ARHGAP17: variants seen among roughly 807,000 people sequenced by gnomAD.
The protein encoded by ARHGAP17 is rho GTPase-activating protein 17.
In ARHGAP17, 57 loss-of-function variants were observed where a neutral mutation model predicts 99.5. That is an observed-to-expected ratio of 0.57 (90% CI 0.46 to 0.71). ARHGAP17 has a LOEUF of 0.71. Among genes scored for constraint, ARHGAP17 ranks in the 30% least tolerant of loss-of-function variants. The pLI, the probability that ARHGAP17 is intolerant of heterozygous loss-of-function variation, is 0.00. For synonymous variants in ARHGAP17, 417 were observed against 429.6 expected (o/e 0.97, Z 0.36); for missense variants, 1,000 against 1,122.4 (o/e 0.89, Z 1.56).
At position 24,952,320 on chromosome 16, in the gene ARHGAP17, TAA is replaced by T; in HGVS notation, c.1013_1014del (p.Phe338Ter). On this transcript the variant is annotated frameshift_variant, in exon 12 of 20. Transcript: ENST00000289968. LOFTEE classifies it high-confidence loss of function. ...ACTTGTGTCCATTCTTCATACAGAT[TAA>T]AAGTCATCAAAGGTTCAGGCAATTC... ...LRELPEPLMTFNLYEEWTQVA... is the reference protein window; with the variant it reads ...LRELPEPLMTXNLYEEWTQVA... The T allele has an allele frequency of 6.2e-7, 1 of 1,613,300 alleles. No individual in the cohort carries two copies. Among genetic ancestry groups the T allele is most frequent in the Non-Finnish European group, 8.5e-7 (1 of 1,179,674 alleles).
intron 3 of ARHGAP17, among the ~76,000 whole-genome samples, chr16:24,976,116 T>A (rs553004912): frequency 6.6e-6 from 1 of 152,104 alleles, no homozygotes; most frequent in Non-Finnish European, 1.5e-5. Context: ...CCATGGTAAC[T>A]AGGGTGGAAC....
intron 1 of ARHGAP17, among the ~76,000 whole-genome samples, chr16:25,007,417 G>A (rs116342464): frequency 6.6e-6 from 1 of 152,196 alleles, no homozygotes; most frequent in Non-Finnish European, 1.5e-5. Context: ...CCAGGCTGGA[G>A]CACGGTGGCA....
chr16:24,968,829 T>C, intron 4 of ARHGAP17, 57 bp from the exon 5 acceptor site: 1 of 1,538,584 alleles, frequency 6.5e-7, no homozygotes, highest in Non-Finnish European at 9.0e-7. Context: ...GGCACTGGAT[T>C]ATCGTGTGGA....
intron 1 of ARHGAP17, chr16:25,014,044 C>A (rs1049103230): frequency 1.3e-5 from 2 of 151,866 alleles, no homozygotes; most frequent in African/African-American, 2.4e-5. Context: ...CACAATAATA[C>A]GGTAGGGAAT....
At chr16:24,982,212 T>G (rs910914701) in intron 1 of ARHGAP17, among the ~76,000 whole-genome samples, 1 of 152,130 alleles carries the variant, frequency 6.6e-6, no homozygotes, top group African/African-American at 2.4e-5. Flanking sequence ...AAGACCAGCC[T>G]GGTCAACATG....
intron 13 of ARHGAP17, among the ~76,000 whole-genome samples, chr16:24,948,244 A>G (rs899783817): frequency 1.3e-5 from 2 of 152,238 alleles, no homozygotes; most frequent in African/African-American, 4.8e-5. Context: ...GACGTATACA[A>G]TATACACTAC....
chr16:24,985,872 GTAGA>G (rs1359681996), intron 1 of ARHGAP17, among the ~76,000 whole-genome samples: 14 of 152,102 alleles, frequency 9.2e-5, no homozygotes, highest in African/African-American at 1.7e-4. Context: ...ATGCACACAG[GTAGA>G]TAGAGACACG....
intron 18 of ARHGAP17, among the ~76,000 whole-genome samples, chr16:24,932,229 A>C (rs1475314436): frequency 6.6e-6 from 1 of 152,192 alleles, no homozygotes; most frequent in South Asian, 2.1e-4. Flanking sequence ...TAAGGGGCAT[A>C]TGGGAACTCT....
chr16:24,925,649 A>G (rs1400913652), intron 19 of ARHGAP17, among the ~76,000 whole-genome samples: 1 of 152,246 alleles, frequency 6.6e-6, no homozygotes, highest in African/African-American at 2.4e-5. Flanking sequence ...ACTAGGAGTA[A>G]TAATACATCT....
chr16:24,991,462 G>A (rs149232966), intron 1 of ARHGAP17, among the ~76,000 whole-genome samples: 2 of 151,932 alleles, frequency 1.3e-5, no homozygotes, highest in South Asian at 4.1e-4. Flanking sequence ...AGTCACAGTC[G>A]AGCCTGGACC....
At chr16:24,945,850 G>A (rs929222508) in intron 14 of ARHGAP17, among the ~76,000 whole-genome samples, 1 of 152,150 alleles carries the variant, frequency 6.6e-6, no homozygotes, top group Non-Finnish European at 1.5e-5. Context: ...AAGGACACAG[G>A]CTCTGTATCC....
chr16:24,987,960 A>G (rs945504079), intron 1 of ARHGAP17, among the ~76,000 whole-genome samples: 2 of 152,188 alleles, frequency 1.3e-5, no homozygotes, highest in African/African-American at 4.8e-5. Flanking sequence ...ATGCAACATG[A>G]TTTGTATTCA....
In ARHGAP17 at chr16:24,939,541, C is replaced by G; in HGVS notation, c.1547G>C (p.Arg516Thr). 6.2e-7 allele frequency: 1 copy of G among 1,608,166 alleles called. No individual in the cohort carries two copies. Among genetic ancestry groups the G allele is most frequent in the Non-Finnish European group, 8.5e-7 (1 of 1,178,090 alleles). The change falls in exon 17 of 20, where the codon AGA becomes ACA. Residue 516 changes from arginine to threonine, a missense_variant. Transcript: ENST00000289968. ...QAHRRGGTLN[R>T]KHISPAFQPP... Reference sequence around the variant, plus strand: ...CTGGAAAGCGGGGGATATGTGCTTTCTATTTAGAGTGCCACCCCGCCGGTG... The same window carrying G: ...CTGGAAAGCGGGGGATATGTGCTTTGTATTTAGAGTGCCACCCCGCCGGTG...
At chr16:24,952,735 GA>G (rs1213855580) in intron 11 of ARHGAP17, among the ~76,000 whole-genome samples, 195 bp downstream of exon 11, 1 of 152,096 alleles carries the variant, frequency 6.6e-6, no homozygotes, top group Admixed American at 6.5e-5. Flanking sequence ...CATCAAAATA[GA>G]AAAACAGAAA....
chr16:24,984,366 C>T (rs919831805), intron 1 of ARHGAP17, among the ~76,000 whole-genome samples: 1 of 152,126 alleles, frequency 6.6e-6, no homozygotes, highest in African/African-American at 2.4e-5. Context: ...CACCTTCCTG[C>T]CACTTAAATA....
intron 1 of ARHGAP17, among the ~76,000 whole-genome samples, chr16:24,996,659 G>A (rs183147977): frequency 6.6e-5 from 10 of 152,266 alleles, no homozygotes; most frequent in East Asian, 3.9e-4. Context: ...TCAAAGCCCC[G>A]TTCACCACCT....
chr16:24,965,485 AC>A (rs2052152455), intron 6 of ARHGAP17, among the ~76,000 whole-genome samples: 2 of 152,166 alleles, frequency 1.3e-5, no homozygotes, highest in South Asian at 4.2e-4. Flanking sequence ...AAACAAACAA[AC>A]AAAAAAACCC....
At chr16:24,953,808 G>C (rs974937055) in intron 10 of ARHGAP17, among the ~76,000 whole-genome samples, 3 of 152,124 alleles carry the variant, frequency 2.0e-5, no homozygotes, top group African/African-American at 7.2e-5. Context: ...AATACCTCCA[G>C]ACCTTGACAA....
At chr16:25,009,863 A>G (rs1825738290) in intron 1 of ARHGAP17, among the ~76,000 whole-genome samples, 1 of 152,190 alleles carries the variant, frequency 6.6e-6, no homozygotes, top group South Asian at 2.1e-4. Flanking sequence ...GCAATGAAAT[A>G]AAAGTATGCA....
Sources: allele counts gnomAD v4.1 joint callset (sites outside exome capture counted in the v4.1 genomes callset), GRCh38; gene constraint gnomAD v4.1.1; transcripts MANE v1.5; gene names NCBI Gene and HGNC (gene_info 2026-07-23, HGNC 2026-07-21).